Variants in ATP8A2 observed in about 807,000 individuals in gnomAD.
The protein encoded by ATP8A2 is ATPase phospholipid transporting 8A2.
Under a neutral mutation model 165.6 loss-of-function variants are expected in ATP8A2, and 100 were observed. The observed-to-expected ratio is 0.60, with a 90% confidence interval of 0.51 to 0.71. The LOEUF (loss-of-function observed/expected upper bound fraction) is 0.71, where lower values mean the gene tolerates loss of function less well. Among genes scored for constraint, ATP8A2 ranks in the 30% least tolerant of loss-of-function variants. ATP8A2 has a pLI of 0.00. For missense variants in ATP8A2, 1,227 were observed against 1,479.5 expected, an observed-to-expected ratio of 0.83 and a Z score of 2.80; for synonymous variants, 543 against 548.8, an observed-to-expected ratio of 0.99 and a Z score of 0.15.
At position 25,616,331 on chromosome 13, in the gene ATP8A2, T is replaced by C. The variant is rs866644463; in HGVS notation, c.2211+26632T>C. On this transcript the variant is annotated intron_variant, in intron 24 of 36. Transcript: ENST00000381655. Reference sequence around the variant, plus strand: ...TTTCTTTTCTTTCTTTCTTTCTTTTTTTTTTTTTTTTTTTTTTGAGACAGA... The same window carrying C: ...TTTCTTTTCTTTCTTTCTTTCTTTTCTTTTTTTTTTTTTTTTTGAGACAGA... 3.7e-3 allele frequency among the ~76,000 whole-genome samples: 515 copies of C among 140,838 alleles called. 1 individual carries two copies. The highest frequency in any genetic ancestry group is 0.013 in the African/African-American group (486 of 37,472). 92.4% of individuals were successfully genotyped at this position (140,838 alleles called of 152,430 possible).
At chr13:25,441,982 C>T (rs998775216) in intron 1 of ATP8A2, among the ~76,000 whole-genome samples, 5 of 152,210 alleles carry the variant, frequency 3.3e-5, no homozygotes, top group African/African-American at 4.8e-5. Context: ...ACTCTAAGTA[C>T]CTCTTATAAG....
At chr13:25,555,461 A>G (rs1374319150) in intron 13 of ATP8A2, among the ~76,000 whole-genome samples, 1 of 152,136 alleles carries the variant, frequency 6.6e-6, no homozygotes, top group Non-Finnish European at 1.5e-5. Flanking sequence ...CATTTCTCGC[A>G]TGTTCCGAAT....
intron 25 of ATP8A2, among the ~76,000 whole-genome samples, chr13:25,729,229 A>G (rs906907296): frequency 6.6e-6 from 1 of 152,204 alleles, no homozygotes; most frequent in African/African-American, 2.4e-5. Context: ...TTAGGACTAC[A>G]GGCTAAGCAT....
chr13:25,509,208 T>C (rs2137753806), intron 2 of ATP8A2, among the ~76,000 whole-genome samples: 1 of 152,334 alleles, frequency 6.6e-6, no homozygotes, highest in East Asian at 1.9e-4. Context: ...GTGTTTGAAA[T>C]GTGTGGAGCC....
intron 2 of ATP8A2, among the ~76,000 whole-genome samples, chr13:25,529,402 A>G (rs573616805): frequency 6.6e-6 from 1 of 152,324 alleles, no homozygotes; most frequent in East Asian, 1.9e-4. Flanking sequence ...CATTATGCCT[A>G]TATGATATAG....
At chr13:25,659,825 A>C (rs1380695505) in intron 24 of ATP8A2, among the ~76,000 whole-genome samples, 1 of 152,198 alleles carries the variant, frequency 6.6e-6, no homozygotes, top group Non-Finnish European at 1.5e-5. Flanking sequence ...TAAAGGCTAG[A>C]TCAGAAGTCA....
intron 35 of ATP8A2, among the ~76,000 whole-genome samples, chr13:25,977,008 G>A (rs947942374): frequency 7.3e-6 from 1 of 137,000 alleles, no homozygotes; most frequent in African/African-American, 2.8e-5. Flanking sequence ...GGCTGGTCTT[G>A]AACTCCTGAC....
At chr13:25,804,538 A>G (rs950651109) in intron 27 of ATP8A2, among the ~76,000 whole-genome samples, 1 of 152,244 alleles carries the variant, frequency 6.6e-6, no homozygotes, top group Non-Finnish European at 1.5e-5. Flanking sequence ...GTACAGGACT[A>G]GAATGTGTGG....
chr13:25,625,311 T>C (rs1043207406), intron 24 of ATP8A2, among the ~76,000 whole-genome samples: 1 of 152,148 alleles, frequency 6.6e-6, no homozygotes, highest in African/African-American at 2.4e-5. Flanking sequence ...CATTAAGCAT[T>C]TAGAAAAGGG....
At chr13:25,776,095 TG>T (rs1388185639) in intron 27 of ATP8A2, among the ~76,000 whole-genome samples, 1 of 152,242 alleles carries the variant, frequency 6.6e-6, no homozygotes, top group Non-Finnish European at 1.5e-5. Context: ...AAACATAACC[TG>T]TGCTACTTCA....
At chr13:25,818,783 T>C (rs779154025) in intron 27 of ATP8A2, among the ~76,000 whole-genome samples, 2 of 152,240 alleles carry the variant, frequency 1.3e-5, no homozygotes, top group Admixed American at 6.5e-5. Context: ...ATTGAGCACC[T>C]ACTGTGTGCC....
intron 13 of ATP8A2, among the ~76,000 whole-genome samples, chr13:25,558,138 G>T (rs868854068): frequency 6.6e-6 from 1 of 152,182 alleles, no homozygotes; most frequent in Non-Finnish European, 1.5e-5. Context: ...CTGACCTCAG[G>T]TGATCCACCC....
chr13:25,458,702 T>C (rs2035426913), intron 1 of ATP8A2, among the ~76,000 whole-genome samples: 1 of 152,214 alleles, frequency 6.6e-6, no homozygotes, highest in African/African-American at 2.4e-5. Flanking sequence ...GATGTTTCTC[T>C]CCGTGGGGAA....
At chr13:25,724,614 A>T (rs1449355239) in intron 25 of ATP8A2, among the ~76,000 whole-genome samples, 1 of 152,172 alleles carries the variant, frequency 6.6e-6, no homozygotes. Flanking sequence ...TTATTTCTCC[A>T]TTTTAAAAAT....
intron 33 of ATP8A2, among the ~76,000 whole-genome samples, chr13:25,890,944 G>C (rs890664219): frequency 1.2e-4 from 18 of 152,200 alleles, no homozygotes; most frequent in Admixed American, 7.2e-4. Flanking sequence ...CAACTCAGCA[G>C]TGCTCTGAAA....
In ATP8A2 at chr13:25,737,721, C is replaced by T. The variant is rs141629454; in HGVS notation, c.2385-31325C>T. ...TTTTTGAGACGGAGTCTCACTCTGTCGCCCAGGCTGGAGTGCAGTAGCGCG... is the reference window on the plus strand; with the variant it reads ...TTTTTGAGACGGAGTCTCACTCTGTTGCCCAGGCTGGAGTGCAGTAGCGCG... On this transcript the variant is annotated intron_variant, in intron 25 of 36. Coordinates refer to ENST00000381655, the MANE Select transcript of ATP8A2 (RefSeq NM_016529.6). Among the ~76,000 whole-genome samples the T allele has an allele frequency of 4.5e-3, 678 of 152,280 alleles. 8 individuals carry two copies. Among genetic ancestry groups the T allele is most frequent in the African/African-American group, 0.016 (647 of 41,560 alleles).
In ATP8A2 at chr13:25,431,510, G is replaced by T. The variant is rs552257527; in HGVS notation, c.77-37467G>T. Among the ~76,000 whole-genome samples, 11 of 151,912 alleles carry T rather than the reference G, an allele frequency of 7.2e-5. No homozygotes were observed. In the South Asian group the frequency reaches 2.3e-3, roughly 32 times the overall value. The stretch of plus-strand genomic sequence containing the variant: ...AACTTTTACTTCGGCGGCGGGGGGG[G>T]AATCTCATACAATTATGATGGAATG... On this transcript the variant is annotated intron_variant, in intron 1 of 36. Transcript: ENST00000381655.
At chr13:25,675,724 A>G (rs1036583570) in intron 24 of ATP8A2, among the ~76,000 whole-genome samples, 1 of 152,158 alleles carries the variant, frequency 6.6e-6, no homozygotes, top group Admixed American at 6.5e-5. Flanking sequence ...TTGGAAGAGT[A>G]TTGAAAATAC....
chr13:26,006,338 A>G (rs1275049183), intron 35 of ATP8A2, among the ~76,000 whole-genome samples: 1 of 151,992 alleles, frequency 6.6e-6, no homozygotes, highest in East Asian at 1.9e-4. Flanking sequence ...TTTGTATACT[A>G]CTGATTTTTA....
Sources: gnomAD v4.1 joint callset for allele counts (sites outside exome capture counted in the v4.1 genomes callset) on GRCh38, gnomAD v4.1.1 for gene constraint, MANE v1.5 for transcripts, NCBI Gene and HGNC (gene_info 2026-07-23, HGNC 2026-07-21) for gene names.